The following ERG variants were observed in gnomAD, a reference collection of about 807,000 sequenced individuals.
ERG encodes the protein ETS transcription factor ERG.
In ERG, 9 loss-of-function variants were observed where a neutral mutation model predicts 55.3. The observed-to-expected ratio is 0.16, with a 90% confidence interval of 0.10 to 0.28. ERG has a LOEUF of 0.28. Among genes scored for constraint, ERG ranks in the 10% least tolerant of loss-of-function variants. ERG has a pLI of 1.00. For missense variants in ERG, 434 were observed against 631.6 expected, an observed-to-expected ratio of 0.69 and a Z score of 3.35; for synonymous variants, 223 against 237.3, an observed-to-expected ratio of 0.94 and a Z score of 0.55.
chr21:38,386,314 GA>G (rs1987689456), intron 9 of ERG, among the ~76,000 whole-genome samples: 1 of 152,180 alleles, frequency 6.6e-6, no homozygotes, highest in Non-Finnish European at 1.5e-5. Flanking sequence ...AACCTTGAAA[GA>G]AACCTGGAAA....
intron 4 of ERG, among the ~76,000 whole-genome samples, 171 bp downstream of exon 4, chr21:38,403,335 G>A (rs573974270): frequency 9.9e-5 from 15 of 152,272 alleles, no homozygotes; most frequent in African/African-American, 3.6e-4. Flanking sequence ...TGTGGCCAGG[G>A]TGTTGCTCCC....
chr21:38,539,899 T>C (rs1037688329), intron 2 of ERG, among the ~76,000 whole-genome samples: 23 of 149,674 alleles, frequency 1.5e-4, no homozygotes, highest in South Asian at 4.3e-4. Flanking sequence ...CGTGATTTTT[T>C]TTTTTTTTTT....
intron 3 of ERG, among the ~76,000 whole-genome samples, chr21:38,409,448 A>T (rs1243334678): frequency 7.0e-6 from 1 of 143,430 alleles, no homozygotes; most frequent in Non-Finnish European, 1.5e-5. Context: ...GCGCCATTGC[A>T]CTCCAGAAGC....
chr21:38,456,236 C>T (rs945411807), intron 1 of ERG, among the ~76,000 whole-genome samples: 1 of 152,182 alleles, frequency 6.6e-6, no homozygotes, highest in African/African-American at 2.4e-5. Flanking sequence ...AGGTTAGATG[C>T]TAACTGCAGG....
intron 1 of ERG, among the ~76,000 whole-genome samples, chr21:38,477,349 C>T (rs920397190): frequency 6.6e-6 from 1 of 152,174 alleles, no homozygotes; most frequent in Non-Finnish European, 1.5e-5. Context: ...TAGACTCTCA[C>T]TCACTCCCAA....
At chr21:38,500,852 T>A (rs1390004406), upstream of ERG, among the ~76,000 whole-genome samples, 1 of 152,286 alleles carries the variant, frequency 6.6e-6, no homozygotes, top group South Asian at 2.1e-4. Context: ...AATTTGGGGA[T>A]ACTGAGTGGT....
chr21:38,509,373 T>C (rs2059494206), intron 2 of ERG, among the ~76,000 whole-genome samples: 1 of 152,188 alleles, frequency 6.6e-6, no homozygotes, highest in Non-Finnish European at 1.5e-5. Context: ...AGAAAAGAAG[T>C]GAAGCAGTAT....
intron 1 of ERG, among the ~76,000 whole-genome samples, chr21:38,658,734 G>A (rs1221381209): frequency 6.6e-6 from 1 of 152,150 alleles, no homozygotes; most frequent in Non-Finnish European, 1.5e-5. Context: ...TCTTACTTAT[G>A]TATCTGGTAT....
chr21:38,576,310 A>G (rs926401782), intron 1 of ERG, among the ~76,000 whole-genome samples: 4 of 152,070 alleles, frequency 2.6e-5, no homozygotes, highest in African/African-American at 9.7e-5. Flanking sequence ...TGTCATTCCC[A>G]TTGTCCAGCT....
At chr21:38,532,521 G>T (rs917800509) in intron 2 of ERG, among the ~76,000 whole-genome samples, 4 of 152,160 alleles carry the variant, frequency 2.6e-5, no homozygotes, top group African/African-American at 9.7e-5. Context: ...TCTTGGCAGG[G>T]GATTCTAAAG....
At chr21:38,409,202 G>A (rs1293092880) in intron 3 of ERG, among the ~76,000 whole-genome samples, 1 of 152,084 alleles carries the variant, frequency 6.6e-6, no homozygotes, top group African/African-American at 2.4e-5. Context: ...TCTGTGATCA[G>A]GCTGGGCGTG....
intron 1 of ERG, among the ~76,000 whole-genome samples, chr21:38,623,771 A>C (rs778526817): frequency 7.9e-5 from 12 of 152,204 alleles, no homozygotes; most frequent in Admixed American, 2.0e-4. Flanking sequence ...CGAACTTAAA[A>C]TGAATCTGTG....
rs186575277 is a variant in ERG at position 38,399,077 on chromosome 21, G to A, written c.745+1497C>T. On this transcript the variant is annotated intron_variant, in intron 6 of 9. Coordinates refer to ENST00000288319, the MANE Select transcript of ERG (RefSeq NM_182918.4). ...TTTCTATTTTCCACTCGCAATACAC[G>A]TGGTGGATGTCTTTAGGACCAATCT... Among the ~76,000 whole-genome samples, 408 of 152,204 alleles carry A rather than the reference G, an allele frequency of 2.7e-3. 4 individuals are homozygous for A. Among genetic ancestry groups the A allele is most frequent in the Non-Finnish European group, 7.1e-4 (48 of 68,024 alleles).
intron 2 of ERG, among the ~76,000 whole-genome samples, chr21:38,429,008 C>A (rs1033665001): frequency 6.6e-6 from 1 of 152,012 alleles, no homozygotes; most frequent in Non-Finnish European, 1.5e-5. Flanking sequence ...AACACTGTAC[C>A]CAGTGTGCAA....
chr21:38,587,024 A>G (rs2060069910), upstream of ERG, among the ~76,000 whole-genome samples: 1 of 152,262 alleles, frequency 6.6e-6, no homozygotes, highest in Admixed American at 6.5e-5. Context: ...GCTAAATGAA[A>G]TAAGCCAGGC....
chr21:38,568,265 T>C (rs142406312), intron 2 of ERG, among the ~76,000 whole-genome samples: 2 of 152,362 alleles, frequency 1.3e-5, no homozygotes, highest in African/African-American at 2.4e-5. Context: ...ATTAATGTTA[T>C]ATAATTAACA....
At chr21:38,564,587 C>T (rs2212605) in intron 2 of ERG, among the ~76,000 whole-genome samples, 22,845 of 151,282 alleles carry the variant, frequency 0.15, 1,919 homozygotes, top group Admixed American at 0.23. Context: ...CTCTCTCTCT[C>T]TTTTTTTTTG....
At chr21:38,633,394 A>G (rs1326967517) in intron 1 of ERG, among the ~76,000 whole-genome samples, 1 of 152,218 alleles carries the variant, frequency 6.6e-6, no homozygotes, top group Admixed American at 6.5e-5. Context: ...TCTTTTTACC[A>G]TAATAGAAAA....
At chr21:38,660,935 G>C (rs2060551085) in intron 1 of ERG, among the ~76,000 whole-genome samples, 1 of 152,132 alleles carries the variant, frequency 6.6e-6, no homozygotes, top group African/African-American at 2.4e-5. Flanking sequence ...GGGCCGCGCG[G>C]GCAGGTTTGG....
Sources: allele counts gnomAD v4.1 joint callset (sites outside exome capture counted in the v4.1 genomes callset), GRCh38; gene constraint gnomAD v4.1.1; transcripts MANE v1.5; gene names NCBI Gene and HGNC (gene_info 2026-07-23, HGNC 2026-07-21).